Variants in NFS1 observed in about 807,000 individuals in gnomAD.
The protein encoded by NFS1 is NFS1 cysteine desulfurase.
A neutral mutation model predicts 57.3 loss-of-function variants in NFS1; 26 were observed. That is an observed-to-expected ratio of 0.45 (90% CI 0.33 to 0.63). The LOEUF (loss-of-function observed/expected upper bound fraction) is 0.63, where lower values mean the gene tolerates loss of function less well. Ranked by LOEUF, NFS1 falls within the 20% of genes least tolerant of loss-of-function variation. The pLI, the probability that NFS1 is intolerant of heterozygous loss-of-function variation, is 0.02. For synonymous variants in NFS1, 209 were observed against 216.3 expected (o/e 0.97, Z 0.30); for missense variants, 505 against 605.8 (o/e 0.83, Z 1.75).
intron 4 of NFS1, among the ~76,000 whole-genome samples, chr20:35,691,612 G>A (rs2035041201): frequency 1.3e-5 from 2 of 150,188 alleles, no homozygotes; most frequent in South Asian, 2.1e-4. Context: ...CCGGTGGCAC[G>A]CACCTGTAAT....
chr20:35,685,894 T>TA (rs2034932776), intron 5 of NFS1, among the ~76,000 whole-genome samples: 1 of 143,930 alleles, frequency 6.9e-6, no homozygotes, highest in Non-Finnish European at 1.5e-5. Flanking sequence ...AACACAGGGG[T>TA]AAAACTCCAT....
chr20:35,698,505 C>T lies in NFS1; in HGVS notation c.183G>A (p.Met61Ile). 6.2e-7 allele frequency: 1 copy of T among 1,613,276 alleles called. No homozygotes were observed. Among genetic ancestry groups the T allele is most frequent in the Non-Finnish European group, 8.5e-7 (1 of 1,179,682 alleles). The change falls in exon 2 of 13, where the codon ATG (methionine) becomes ATA (isoleucine). Residue 61 changes from methionine to isoleucine, a missense_variant. Physicochemically the swap from Met to Ile is conservative, Grantham distance 10 (BLOSUM62 1). Transcript: ENST00000374092. ...CCAGAGGAGTTGTAGCTTGCACATCCATATAGAGAGGTCGCAGCACTGGCC... is the reference window on the plus strand; with the variant it reads ...CCAGAGGAGTTGTAGCTTGCACATCTATATAGAGAGGTCGCAGCACTGGCC... ...EVGPVLRPLY[M>I]DVQATTPLDP...
intron 4 of NFS1, among the ~76,000 whole-genome samples, chr20:35,693,519 A>T (rs1274427618): frequency 6.6e-6 from 1 of 152,158 alleles, no homozygotes; most frequent in Non-Finnish European, 1.5e-5. Flanking sequence ...CTTATAAAAG[A>T]CTATTACCTT....
chr20:35,676,611 A>G (rs1304589741), intron 7 of NFS1, among the ~76,000 whole-genome samples: 1 of 151,990 alleles, frequency 6.6e-6, no homozygotes, highest in Non-Finnish European at 1.5e-5. Flanking sequence ...CCATTAGGTG[A>G]AAAATGAAAG....
intron 12 of NFS1, among the ~76,000 whole-genome samples, chr20:35,671,143 G>A (rs1270320252): frequency 2.0e-5 from 3 of 152,132 alleles, no homozygotes; most frequent in Non-Finnish European, 2.9e-5. Context: ...TTGCTCTGTC[G>A]CCCAGGCTGG....
chr20:35,697,173 T>C (rs2035149468), intron 3 of NFS1, among the ~76,000 whole-genome samples: 1 of 152,062 alleles, frequency 6.6e-6, no homozygotes, highest in Non-Finnish European at 1.5e-5. Context: ...GGCGTGTGCC[T>C]GTAATCCCAA....
At chr20:35,686,210 C>A (rs2146427955) in intron 5 of NFS1, among the ~76,000 whole-genome samples, 1 of 151,638 alleles carries the variant, frequency 6.6e-6, no homozygotes, top group Middle Eastern at 3.4e-3. Flanking sequence ...CTCAGGTGAT[C>A]CGCCTCCCAA....
intron 5 of NFS1, among the ~76,000 whole-genome samples, chr20:35,685,323 A>T (rs1290367487): frequency 6.6e-6 from 1 of 151,756 alleles, no homozygotes; most frequent in Non-Finnish European, 1.5e-5. Context: ...AGGCTGCTGT[A>T]AGCCTTGGTG....
In NFS1 at chr20:35,686,958, AG is replaced by A. The variant is rs113041528; in HGVS notation, c.561+3454del. Among the ~76,000 whole-genome samples the A allele has an allele frequency of 5.3e-3, 812 of 152,268 alleles. 18 individuals are homozygous for A. The highest frequency in any genetic ancestry group is 0.018 in the African/African-American group (768 of 41,562). ...CCAGGCCATACAGAGATAGGAGCTG[AG>A]GGGACATAGTGAGAAGTGACCAGAA... is the stretch of plus-strand genomic sequence containing the variant. On this transcript the variant is annotated intron_variant, in intron 5 of 12. Coordinates refer to ENST00000374092, the MANE Select transcript of NFS1 (RefSeq NM_021100.5).
intron 5 of NFS1, among the ~76,000 whole-genome samples, chr20:35,685,835 G>A (rs1350775127): frequency 7.1e-6 from 1 of 140,686 alleles, no homozygotes; most frequent in Non-Finnish European, 1.5e-5. Context: ...TCCAGCCTGG[G>A]CAACAAGAGC....
At chr20:35,675,443 T>TATAGCATTTC in intron 7 of NFS1, 1 of 562,128 alleles carries the variant, frequency 1.8e-6, no homozygotes, top group Non-Finnish European at 3.2e-6. Context: ...AGTAGCTCCC[T>TATAGCATTTC]ATGCTATATG....
intron 7 of NFS1, among the ~76,000 whole-genome samples, chr20:35,677,490 C>T (rs976835926): frequency 4.6e-5 from 7 of 152,016 alleles, no homozygotes; most frequent in African/African-American, 1.5e-4. Flanking sequence ...GAGCTATGAT[C>T]GTGCCACTCA....
intron 5 of NFS1, among the ~76,000 whole-genome samples, chr20:35,689,387 G>A (rs6088917): frequency 6.6e-6 from 1 of 152,210 alleles, no homozygotes; most frequent in Admixed American, 6.5e-5. Flanking sequence ...CACTTTGGGA[G>A]GCCGAGGCAG....
At chr20:35,696,897 G>A (rs1372976853) in intron 3 of NFS1, among the ~76,000 whole-genome samples, 4 of 151,900 alleles carry the variant, frequency 2.6e-5, no homozygotes, top group South Asian at 2.1e-4. Flanking sequence ...ACCTGAGGTC[G>A]GGAATTCAAG....
chr20:35,695,168 T>C (rs971371241), intron 4 of NFS1, among the ~76,000 whole-genome samples: 9 of 152,206 alleles, frequency 5.9e-5, no homozygotes, highest in Non-Finnish European at 1.3e-4. Context: ...GTTTTGAAAA[T>C]GCTCTCCATT....
At chr20:35,677,703 G>C (rs1263630795) in intron 7 of NFS1, among the ~76,000 whole-genome samples, 2 of 152,160 alleles carry the variant, frequency 1.3e-5, no homozygotes, top group Non-Finnish European at 2.9e-5. Flanking sequence ...CAGAAAAACT[G>C]TTTATGCTGA....
At chr20:35,681,302 T>C (rs1241231083) in intron 6 of NFS1, among the ~76,000 whole-genome samples, 1 of 151,818 alleles carries the variant, frequency 6.6e-6, no homozygotes, top group Non-Finnish European at 1.5e-5. Flanking sequence ...GCGATCTCTA[T>C]GTGGGGAGAA....
intron 7 of NFS1, among the ~76,000 whole-genome samples, chr20:35,679,117 G>C (rs566497024): frequency 5.0e-4 from 76 of 152,268 alleles, no homozygotes; most frequent in African/African-American, 1.8e-3. Context: ...CAGAGCTTCT[G>C]ATCAATGAGT....
intron 7 of NFS1, among the ~76,000 whole-genome samples, chr20:35,676,984 A>T (rs1287995378): frequency 6.6e-6 from 1 of 151,920 alleles, no homozygotes. Flanking sequence ...CACCTGCCTC[A>T]GCCTCCTGAT....
Sources: allele counts gnomAD v4.1 joint callset (sites outside exome capture counted in the v4.1 genomes callset), GRCh38; gene constraint gnomAD v4.1.1; transcripts MANE v1.5; gene names NCBI Gene and HGNC (gene_info 2026-07-23, HGNC 2026-07-21).